ASIC2: variants seen among roughly 807,000 people sequenced by gnomAD.
The protein encoded by ASIC2 is acid sensing ion channel subunit 2.
A neutral mutation model predicts 57.3 loss-of-function variants in ASIC2; 25 were observed. That is an observed-to-expected ratio of 0.44 (90% CI 0.32 to 0.61). ASIC2 has a LOEUF of 0.61. Among genes scored for constraint, ASIC2 ranks in the 20% least tolerant of loss-of-function variants. The probability of loss-of-function intolerance (pLI) is 0.06; values close to 1 mark genes in which losing one functional copy is unlikely to be tolerated. For synonymous variants in ASIC2, 319 were observed against 307.5 expected, an observed-to-expected ratio of 1.04 and a Z score of -0.39; for missense variants, 641 against 738.1, an observed-to-expected ratio of 0.87 and a Z score of 1.52.
At chr17:34,084,477 G>A (rs956752871) in intron 1 of ASIC2, among the ~76,000 whole-genome samples, 9 of 152,208 alleles carry the variant, frequency 5.9e-5, no homozygotes, top group South Asian at 4.1e-4. Flanking sequence ...GTCAGGTAGC[G>A]TGATGCCTCC....
chr17:34,108,604 A>C (rs975288220), intron 1 of ASIC2, among the ~76,000 whole-genome samples: 1 of 152,132 alleles, frequency 6.6e-6, no homozygotes, highest in African/African-American at 2.4e-5. Flanking sequence ...AACATTTTGC[A>C]GTTATTGGGT....
chr17:33,585,769 C>T (rs1597797903), intron 1 of ASIC2, among the ~76,000 whole-genome samples: 1 of 152,238 alleles, frequency 6.6e-6, no homozygotes, highest in East Asian at 1.9e-4. Context: ...CCCTTCTGCC[C>T]GCTAGTCTCG....
intron 1 of ASIC2, among the ~76,000 whole-genome samples, chr17:33,321,040 T>C (rs1416049963): frequency 1.3e-5 from 2 of 152,216 alleles, no homozygotes; most frequent in African/African-American, 4.8e-5. Context: ...TGAATATCCT[T>C]GTTCAAGGCT....
At chr17:33,519,655 C>T (rs1597762000) in intron 1 of ASIC2, among the ~76,000 whole-genome samples, 1 of 152,290 alleles carries the variant, frequency 6.6e-6, no homozygotes, top group South Asian at 2.1e-4. Context: ...GCTTAATCAC[C>T]ACCACTGGGC....
At chr17:33,457,770 A>G (rs1442060449) in intron 1 of ASIC2, among the ~76,000 whole-genome samples, 1 of 152,172 alleles carries the variant, frequency 6.6e-6, no homozygotes, top group Admixed American at 6.5e-5. Context: ...GTCTTATTTA[A>G]TTCTTACTGG....
Position 33,546,190 on chromosome 17 carries a change from T to C in ASIC2, c.556-434123A>G, listed in dbSNP as rs146660621. ...AAGTATATGTAAATATATATACATA[T>C]GTATATGTATATATATGTAGACACA... On this transcript the variant is annotated intron_variant, in intron 1 of 9. Transcript: ENST00000359872. Among the ~76,000 whole-genome samples, 1,149 of 148,706 alleles carry C rather than the reference T, an allele frequency of 7.7e-3. 6 individuals are homozygous for C. Among genetic ancestry groups the C allele is most frequent in the Admixed American group, 0.011 (165 of 14,936 alleles).
At chr17:34,127,624 G>A (rs1055284798) in intron 1 of ASIC2, among the ~76,000 whole-genome samples, 1 of 152,124 alleles carries the variant, frequency 6.6e-6, no homozygotes, top group Non-Finnish European at 1.5e-5. Context: ...TTCTCAGCCT[G>A]GACACACACT....
chr17:34,042,048 T>G (rs980452028), intron 1 of ASIC2, among the ~76,000 whole-genome samples: 8 of 152,216 alleles, frequency 5.3e-5, no homozygotes, highest in African/African-American at 1.9e-4. Flanking sequence ...ACTGCACACT[T>G]ACTAGAATGT....
At chr17:33,081,763 G>A (rs2092113899) in intron 3 of ASIC2, among the ~76,000 whole-genome samples, 1 of 152,218 alleles carries the variant, frequency 6.6e-6, no homozygotes, top group Admixed American at 6.5e-5. Context: ...TTTTTATTTA[G>A]GGGTGGGGTG....
intron 1 of ASIC2, among the ~76,000 whole-genome samples, chr17:33,526,790 A>G (rs1914897910): frequency 6.6e-6 from 1 of 150,424 alleles, no homozygotes; most frequent in Admixed American, 6.6e-5. Flanking sequence ...AGAAAACCCC[A>G]GATTCCCCAC....
chr17:33,224,197 A>G (rs1466874892), intron 1 of ASIC2, among the ~76,000 whole-genome samples: 1 of 152,178 alleles, frequency 6.6e-6, no homozygotes, highest in Non-Finnish European at 1.5e-5. Flanking sequence ...GCTGTGTTAG[A>G]ATTGGCGTTC....
At chr17:33,718,704 C>A (rs1258159887) in intron 1 of ASIC2, among the ~76,000 whole-genome samples, 2 of 152,156 alleles carry the variant, frequency 1.3e-5, no homozygotes, top group African/African-American at 4.8e-5. Context: ...CCTGTTCTAT[C>A]CCCAAAGAGG....
chr17:33,471,226 G>A (rs1913041086), intron 1 of ASIC2, among the ~76,000 whole-genome samples: 1 of 152,160 alleles, frequency 6.6e-6, no homozygotes. Context: ...GATCGTTAGT[G>A]TGAGAGAACT....
At chr17:33,550,379 G>A (rs972947292) in intron 1 of ASIC2, among the ~76,000 whole-genome samples, 3 of 152,198 alleles carry the variant, frequency 2.0e-5, no homozygotes, top group South Asian at 2.1e-4. Flanking sequence ...ACTGGCAGGC[G>A]ATATCATGGG....
chr17:34,083,030 T>C (rs898146132), intron 1 of ASIC2, among the ~76,000 whole-genome samples: 1 of 152,110 alleles, frequency 6.6e-6, no homozygotes, highest in East Asian at 1.9e-4. Context: ...TATTTTTTTT[T>C]TATCATTATA....
chr17:33,207,687 C>T (rs547783914), intron 1 of ASIC2, among the ~76,000 whole-genome samples: 1 of 152,336 alleles, frequency 6.6e-6, no homozygotes, highest in East Asian at 1.9e-4. Context: ...CCATCGGCAC[C>T]TGCATTTCTT....
At chr17:34,073,779 T>C (rs938212447) in intron 1 of ASIC2, among the ~76,000 whole-genome samples, 16 of 151,794 alleles carry the variant, frequency 1.1e-4, no homozygotes, top group African/African-American at 3.9e-4. Flanking sequence ...AGAAACGGGG[T>C]TGGGGCAACA....
chr17:34,100,547 G>A (rs1025489337), intron 1 of ASIC2, among the ~76,000 whole-genome samples: 3 of 152,156 alleles, frequency 2.0e-5, no homozygotes, highest in Non-Finnish European at 4.4e-5. Context: ...CAGCCCAGAA[G>A]AGCGTCCGGC....
chr17:33,328,561 T>C (rs1030151233), intron 1 of ASIC2, among the ~76,000 whole-genome samples: 1 of 152,170 alleles, frequency 6.6e-6, no homozygotes, highest in South Asian at 2.1e-4. Flanking sequence ...TGACCACGTT[T>C]CTGTGATAGA....
Sources: gnomAD v4.1 joint callset for allele counts (sites outside exome capture counted in the v4.1 genomes callset) on GRCh38, gnomAD v4.1.1 for gene constraint, MANE v1.5 for transcripts, NCBI Gene and HGNC (gene_info 2026-07-23, HGNC 2026-07-21) for gene names.